The following CNTN6 variants were observed in gnomAD, a reference collection of about 807,000 sequenced individuals.
CNTN6 encodes contactin-6.
Under a neutral mutation model 122.8 loss-of-function variants are expected in CNTN6, and 137 were observed. The ratio of observed to expected loss-of-function variants is 1.12; its 90% CI spans 0.97 to 1.29. CNTN6 has a LOEUF of 1.29. CNTN6 is among the 50% of genes most tolerant of loss of function. CNTN6 has a pLI of 0.00. For missense variants in CNTN6, 1,634 were observed against 1,223.4 expected (o/e 1.34, Z -5.01); for synonymous variants, 570 against 426.0 (o/e 1.34, Z -4.16).
chr3:1,175,222 CAAAAA>C (rs61606722), intron 2 of CNTN6, among the ~76,000 whole-genome samples: 1 of 76,850 alleles, frequency 1.3e-5, no homozygotes. Flanking sequence ...GACTTTGTCT[CAAAAA>C]AAAAAAAAAA....
intron 7 of CNTN6, among the ~76,000 whole-genome samples, chr3:1,309,057 C>T (rs1192057632): frequency 6.6e-6 from 1 of 152,026 alleles, no homozygotes; most frequent in East Asian, 1.9e-4. Context: ...ATGCGTTTTG[C>T]CAATATTTTC....
chr3:1,097,423 C>T (rs1474697709), intron 1 of CNTN6, among the ~76,000 whole-genome samples: 2 of 152,004 alleles, frequency 1.3e-5, no homozygotes, highest in African/African-American at 4.8e-5. Flanking sequence ...ATTTCAAATC[C>T]TTAAAAGAGG....
At chr3:1,403,030 G>C (rs562109135) in intron 22 of CNTN6, among the ~76,000 whole-genome samples, 4 of 152,234 alleles carry the variant, frequency 2.6e-5, no homozygotes, top group African/African-American at 9.6e-5. Context: ...TCATCTGCCT[G>C]AAGCTGTGAT....
intron 4 of CNTN6, among the ~76,000 whole-genome samples, chr3:1,261,037 G>A (rs925612010): frequency 2.6e-5 from 4 of 152,194 alleles, no homozygotes; most frequent in African/African-American, 9.6e-5. Context: ...AACTCTATGT[G>A]CGATGGGGAA....
intron 2 of CNTN6, among the ~76,000 whole-genome samples, chr3:1,198,696 T>C (rs2093814581): frequency 1.3e-5 from 2 of 149,188 alleles, no homozygotes; most frequent in African/African-American, 5.0e-5. Flanking sequence ...CACTCCAGCC[T>C]GGGCAACAAG....
chr3:1,151,430 A>G (rs545157358), intron 2 of CNTN6, among the ~76,000 whole-genome samples: 1 of 151,586 alleles, frequency 6.6e-6, no homozygotes, highest in Non-Finnish European at 1.5e-5. Context: ...GTTTCTAGAA[A>G]TAGAATTGTA....
chr3:1,334,432 T>C (rs1340963865), intron 11 of CNTN6, among the ~76,000 whole-genome samples: 1 of 151,854 alleles, frequency 6.6e-6, no homozygotes, highest in South Asian at 2.1e-4. Flanking sequence ...GATGAAATAA[T>C]ATGAAAACAA....
At chr3:1,250,005 T>A (rs755477429) in intron 4 of CNTN6, among the ~76,000 whole-genome samples, 2 of 152,298 alleles carry the variant, frequency 1.3e-5, no homozygotes, top group Admixed American at 1.3e-4. Flanking sequence ...GCAATCCTAT[T>A]GTTTTTATTT....
chr3:1,125,655 G>T (rs1012693715), intron 1 of CNTN6, among the ~76,000 whole-genome samples: 3 of 151,640 alleles, frequency 2.0e-5, no homozygotes, highest in Non-Finnish European at 4.4e-5. Context: ...AAGTCAGAGT[G>T]TCAGCTACTA....
intron 4 of CNTN6, among the ~76,000 whole-genome samples, chr3:1,232,404 C>G (rs563407108): frequency 6.6e-6 from 1 of 152,218 alleles, no homozygotes; most frequent in South Asian, 2.1e-4. Context: ...AGATAAGAAA[C>G]AGCTACTTCC....
intron 4 of CNTN6, among the ~76,000 whole-genome samples, chr3:1,275,183 TC>T (rs1423415504): frequency 6.6e-6 from 1 of 152,170 alleles, no homozygotes; most frequent in African/African-American, 2.4e-5. Flanking sequence ...TCAGTCTCTT[TC>T]CTTACTTGAT....
intron 4 of CNTN6, among the ~76,000 whole-genome samples, chr3:1,242,949 A>G (rs1355134576): frequency 6.6e-6 from 1 of 152,116 alleles, no homozygotes; most frequent in Non-Finnish European, 1.5e-5. Context: ...GGTAATGTGG[A>G]GTGGGTAGCC....
At chr3:1,168,485 C>A (rs1351106081) in intron 2 of CNTN6, among the ~76,000 whole-genome samples, 4 of 150,660 alleles carry the variant, frequency 2.7e-5, no homozygotes, top group Non-Finnish European at 5.9e-5. Context: ...CCGTCACTGC[C>A]CTTTCATCAC....
Position 1,208,736 on chromosome 3 carries a change from C to A in CNTN6, c.56-11951C>A, listed in dbSNP as rs139128946. Among the ~76,000 whole-genome samples, 479 of 152,200 alleles carry A rather than the reference C, an allele frequency of 3.1e-3. 5 individuals are homozygous for A. The highest frequency in any genetic ancestry group is 3.7e-3 in the Non-Finnish European group (251 of 67,986). ...CATTCTCTAAACCTCATTTTCTCATCTTTAAAATGGAAATATTAAAATCTG... is the reference window on the plus strand; with the variant it reads ...CATTCTCTAAACCTCATTTTCTCATATTTAAAATGGAAATATTAAAATCTG... On this transcript the variant is annotated intron_variant, in intron 2 of 22. Coordinates refer to ENST00000446702, the MANE Select transcript of CNTN6 (RefSeq NM_001289080.2).
chr3:1,257,557 A>G (rs1000626206), intron 4 of CNTN6, among the ~76,000 whole-genome samples: 3 of 152,070 alleles, frequency 2.0e-5, no homozygotes, highest in Non-Finnish European at 2.9e-5. Context: ...CCCCTGCCCT[A>G]TGAAATTTCC....
intron 5 of CNTN6, among the ~76,000 whole-genome samples, chr3:1,281,387 T>C (rs1693399107): frequency 1.3e-5 from 2 of 151,942 alleles, no homozygotes; most frequent in African/African-American, 4.8e-5. Context: ...TTAAATCTCG[T>C]GTGTAAGTAT....
At chr3:1,283,194 A>G (rs1693769246) in intron 5 of CNTN6, among the ~76,000 whole-genome samples, 1 of 152,020 alleles carries the variant, frequency 6.6e-6, no homozygotes, top group Non-Finnish European at 1.5e-5. Context: ...GCCTCATGTG[A>G]TCCGCCTGCC....
Position 1,383,564 on chromosome 3 carries a change from C to T in CNTN6, c.2517+156C>T, listed in dbSNP as rs186785319. ...ATGAAGTTGAGACAGGGTAGGTGAGCCCCCACATTGAGAGGCTTAGCCTGG... is the reference window on the plus strand; with the variant it reads ...ATGAAGTTGAGACAGGGTAGGTGAGTCCCCACATTGAGAGGCTTAGCCTGG... On this transcript the variant is annotated intron_variant, in intron 19 of 22. Transcript: ENST00000446702. Among the ~76,000 whole-genome samples, 48 of 152,222 alleles carry T rather than the reference C, an allele frequency of 3.2e-4. No individual in the cohort carries two copies. The East Asian group carries it at 3.5e-3, about 11-fold the overall frequency.
chr3:1,300,472 G>GGAA (rs372502270), intron 7 of CNTN6, among the ~76,000 whole-genome samples: 2 of 140,216 alleles, frequency 1.4e-5, no homozygotes, highest in African/African-American at 6.0e-5. Flanking sequence ...AGGAAGGAAG[G>GGAA]AAGGAAGGAA....
Sources: gnomAD v4.1 joint callset for allele counts (sites outside exome capture counted in the v4.1 genomes callset) on GRCh38, gnomAD v4.1.1 for gene constraint, MANE v1.5 for transcripts, NCBI Gene and HGNC (gene_info 2026-07-23, HGNC 2026-07-21) for gene names.